FBXO11: variants seen among roughly 807,000 people sequenced by gnomAD.
FBXO11 encodes the protein F-box only protein 11.
Under a neutral mutation model 117.0 loss-of-function variants are expected in FBXO11, and 13 were observed. That is an observed-to-expected ratio of 0.11 (90% CI 0.07 to 0.18). The LOEUF (loss-of-function observed/expected upper bound fraction) is 0.18, where lower values mean the gene tolerates loss of function less well. Among genes scored for constraint, FBXO11 ranks in the 10% least tolerant of loss-of-function variants. The pLI, the probability that FBXO11 is intolerant of heterozygous loss-of-function variation, is 1.00. For synonymous variants in FBXO11, 490 were observed against 380.5 expected, an observed-to-expected ratio of 1.29 and a Z score of -3.35; for missense variants, 767 against 1,164.4, an observed-to-expected ratio of 0.66 and a Z score of 4.97.
chr2:47,814,536 G>T (rs1411237790), intron 16 of FBXO11, among the ~76,000 whole-genome samples: 1 of 151,942 alleles, frequency 6.6e-6, no homozygotes, highest in Non-Finnish European at 1.5e-5. Context: ...ACACCACCAT[G>T]CCCAGTTAAT....
intron 1 of FBXO11, among the ~76,000 whole-genome samples, chr2:47,901,218 T>C (rs1240855999): frequency 6.7e-6 from 1 of 149,978 alleles, no homozygotes; most frequent in Non-Finnish European, 1.5e-5. Context: ...ATAAGATTTT[T>C]ATCCCACAAA....
At chr2:47,905,448 TGCCCG>T in intron 1 of FBXO11, 36 bp downstream of exon 1, 1 of 1,188,610 alleles carries the variant, frequency 8.4e-7, no homozygotes, top group Non-Finnish European at 1.0e-6. Context: ...CTTCCCGCGG[TGCCCG>T]GGAAGGCGGG....
intron 1 of FBXO11, among the ~76,000 whole-genome samples, chr2:47,892,441 C>T (rs1296066023): frequency 6.6e-6 from 1 of 152,222 alleles, no homozygotes; most frequent in Non-Finnish European, 1.5e-5. Context: ...CTTAACTTTA[C>T]ATACTGTGAT....
intron 11 of FBXO11, among the ~76,000 whole-genome samples, chr2:47,829,722 C>A (rs1217060355): frequency 6.6e-6 from 1 of 151,548 alleles, no homozygotes; most frequent in Non-Finnish European, 1.5e-5. Context: ...AAAAAAAACA[C>A]CCATCTTTTA....
chr2:47,828,754 T>A (rs1572797367), intron 11 of FBXO11, among the ~76,000 whole-genome samples: 1 of 152,192 alleles, frequency 6.6e-6, no homozygotes, highest in East Asian at 1.9e-4. Flanking sequence ...TACTGTGAAA[T>A]CTGGGTAAGA....
chr2:47,894,221 C>T (rs1211966729), intron 1 of FBXO11, among the ~76,000 whole-genome samples: 5 of 151,692 alleles, frequency 3.3e-5, no homozygotes, highest in Admixed American at 6.6e-5. Context: ...ACACCAGGAA[C>T]GGAAAGGTCC....
intron 13 of FBXO11, among the ~76,000 whole-genome samples, chr2:47,821,311 T>C (rs575751432): frequency 6.6e-6 from 1 of 151,716 alleles, no homozygotes; most frequent in South Asian, 2.1e-4. Context: ...AACCTGTCTC[T>C]ATTAAAAATG....
At chr2:47,830,372 GTTCT>G (rs1298250976) in intron 11 of FBXO11, among the ~76,000 whole-genome samples, 2 of 151,872 alleles carry the variant, frequency 1.3e-5, no homozygotes, top group Non-Finnish European at 2.9e-5. Context: ...TCCATAAGGC[GTTCT>G]TTAAAAAAAA....
At chr2:47,867,746 A>G (rs552849177) in intron 1 of FBXO11, among the ~76,000 whole-genome samples, 4 of 152,266 alleles carry the variant, frequency 2.6e-5, no homozygotes, top group African/African-American at 9.6e-5. Context: ...ACTGACACAC[A>G]TTATCTGCAT....
intron 1 of FBXO11, among the ~76,000 whole-genome samples, chr2:47,845,531 T>C (rs555172851): frequency 1.2e-4 from 18 of 152,320 alleles, no homozygotes; most frequent in Non-Finnish European, 2.4e-4. Context: ...GCTACTACTG[T>C]GATAAGCAGC....
intron 1 of FBXO11, among the ~76,000 whole-genome samples, chr2:47,859,041 C>CTAAA (rs1674543926): frequency 9.7e-6 from 1 of 103,180 alleles, no homozygotes; most frequent in Non-Finnish European, 2.0e-5. Context: ...ACTCTGTCTC[C>CTAAA]AAAAAAAAAA....
chr2:47,900,889 C>T (rs1308850915), intron 1 of FBXO11, among the ~76,000 whole-genome samples: 1 of 137,200 alleles, frequency 7.3e-6, no homozygotes, highest in African/African-American at 2.7e-5. Flanking sequence ...TATATATACA[C>T]GTATATATAC....
At chr2:47,887,236 G>A (rs1676926668) in intron 1 of FBXO11, among the ~76,000 whole-genome samples, 1 of 147,126 alleles carries the variant, frequency 6.8e-6, no homozygotes, top group Non-Finnish European at 1.5e-5. Context: ...GGTGAGCTGA[G>A]ATTGTGCCAT....
chr2:47,897,188 C>T (rs924729804), intron 1 of FBXO11, among the ~76,000 whole-genome samples: 1 of 152,104 alleles, frequency 6.6e-6, no homozygotes, highest in Non-Finnish European at 1.5e-5. Context: ...TCTCATAAAG[C>T]CACATGTTCT....
rs1474733815 is a variant in FBXO11 at position 47,905,769 on chromosome 2, C to T, written c.-49G>A. 4.0e-6 allele frequency: 6 copies of T among 1,497,600 alleles called. No individual in the cohort carries two copies. The highest frequency in any genetic ancestry group is 5.3e-6 in the Non-Finnish European group (6 of 1,125,880). 92.8% of individuals were successfully genotyped at this position (1,497,600 alleles called of 1,614,324 possible). On this transcript the variant is annotated 5_prime_UTR_variant, in exon 1 of 23. In the 5' UTR this introduces an upstream ATG that the reference lacks. Transcript: ENST00000403359. ...TGGCGGAGGGACACACACACGCACA[C>T]GCACAGCGAGCTTCGGGGCAGGAGA... is the stretch of plus-strand genomic sequence containing the variant.
chr2:47,809,140 A>T lies in FBXO11; in HGVS notation c.2555+18T>A. On this transcript the variant is annotated intron_variant, in intron 21 of 22. Transcript: ENST00000403359. ...TCAGTCTTCCTCTTTTCAGGACTCAAATATATTTCTAAGTTACCTGTAGAA... is the reference window on the plus strand; with the variant it reads ...TCAGTCTTCCTCTTTTCAGGACTCATATATATTTCTAAGTTACCTGTAGAA... 1 of 1,438,588 alleles carries T rather than the reference A, an allele frequency of 7.0e-7. No homozygotes were observed. Among genetic ancestry groups the T allele is most frequent in the South Asian group, 1.2e-5 (1 of 81,924 alleles). The allele number at this position is 1,438,588 out of a possible 1,614,324, so 89.1% of individuals were successfully genotyped here.
At chr2:47,888,568 G>T in intron 1 of FBXO11, 1 of 470,222 alleles carries the variant, frequency 2.1e-6, no homozygotes, top group Non-Finnish European at 2.8e-6. Context: ...GAAAAAAATA[G>T]CTGAGCAACC....
intron 1 of FBXO11, among the ~76,000 whole-genome samples, chr2:47,857,561 T>C (rs1219039903): frequency 6.6e-6 from 1 of 151,918 alleles, no homozygotes; most frequent in Non-Finnish European, 1.5e-5. Flanking sequence ...GCTTAGAAAA[T>C]CAATAAAAAT....
rs1677463899 is a variant in FBXO11 at position 47,894,041 on chromosome 2, T to C, written c.232+11448A>G. On this transcript the variant is annotated intron_variant, in intron 1 of 22. Transcript: ENST00000403359. ...TCCTTTGCTATCTAAGGCTACCATA[T>C]CATCAATTTCAATCAAGTAGTTCCT... Among the ~76,000 whole-genome samples, 3 of 152,204 alleles carry C rather than the reference T, an allele frequency of 2.0e-5. No individual in the cohort carries two copies. In the South Asian group the frequency reaches 6.2e-4, roughly 32 times the overall value.
Sources: gnomAD v4.1 joint callset for allele counts (sites outside exome capture counted in the v4.1 genomes callset) on GRCh38, gnomAD v4.1.1 for gene constraint, MANE v1.5 for transcripts, NCBI Gene and HGNC (gene_info 2026-07-23, HGNC 2026-07-21) for gene names.